The following ARHGAP26 variants were observed in gnomAD, a reference collection of about 807,000 sequenced individuals.
The protein encoded by ARHGAP26 is rho GTPase-activating protein 26.
Under a neutral mutation model 104.8 loss-of-function variants are expected in ARHGAP26, and 38 were observed. The observed-to-expected ratio is 0.36, with a 90% CI of 0.28 to 0.48. The LOEUF is 0.48. ARHGAP26 is among the 20% of genes least tolerant of loss of function. The pLI is 0.99. For synonymous variants in ARHGAP26, 341 were observed against 340.0 expected, an observed-to-expected ratio of 1.00 and a Z score of -0.03; for missense variants, 704 against 947.9, an observed-to-expected ratio of 0.74 and a Z score of 3.38.
chr5:143,075,811 A>C (rs565992379), intron 17 of ARHGAP26, among the ~76,000 whole-genome samples: 40 of 150,874 alleles, frequency 2.7e-4, no homozygotes, highest in African/African-American at 8.8e-4. Context: ...AGATCCTCCC[A>C]CCTCAGCCTT....
Position 142,991,766 on chromosome 5 carries a change from G to T in ARHGAP26, c.1108-22314G>T, listed in dbSNP as rs147704654. The stretch of plus-strand genomic sequence containing the variant: ...CTACACCATATAGCCTAGTTGTGTA[G>T]TAGGCTATACCATCTAGGTTTGTGT... On this transcript the variant is annotated intron_variant, in intron 11 of 22. Transcript: ENST00000645722. Among the ~76,000 whole-genome samples the T allele has an allele frequency of 4.2e-3, 642 of 152,312 alleles. 7 individuals are homozygous for T. Among genetic ancestry groups the T allele is most frequent in the African/African-American group, 0.015 (626 of 41,562 alleles).
At chr5:143,178,811 T>C (rs1269715013) in intron 20 of ARHGAP26, among the ~76,000 whole-genome samples, 2 of 152,094 alleles carry the variant, frequency 1.3e-5, no homozygotes, top group African/African-American at 4.8e-5. Flanking sequence ...AGCTTGTAAG[T>C]GGTTGACCTA....
At chr5:142,802,680 CA>C (rs1206456249) in intron 1 of ARHGAP26, among the ~76,000 whole-genome samples, 1 of 151,836 alleles carries the variant, frequency 6.6e-6, no homozygotes, top group Admixed American at 6.6e-5. Context: ...TAGGCATTGG[CA>C]AATTTTTTTT....
At chr5:143,192,798 TATC>T (rs1806140263) in intron 20 of ARHGAP26, among the ~76,000 whole-genome samples, 1 of 152,196 alleles carries the variant, frequency 6.6e-6, no homozygotes, top group Admixed American at 6.5e-5. Context: ...GAGCCCAAAT[TATC>T]ATTTTGCTTG....
intron 21 of ARHGAP26, among the ~76,000 whole-genome samples, chr5:143,213,018 G>C (rs1428981163): frequency 6.6e-6 from 1 of 152,130 alleles, no homozygotes; most frequent in Non-Finnish European, 1.5e-5. Flanking sequence ...GGTAGCAGGC[G>C]CCTGTAGTCC....
intron 11 of ARHGAP26, among the ~76,000 whole-genome samples, chr5:142,936,189 A>G (rs1025742259): frequency 1.3e-5 from 2 of 152,010 alleles, no homozygotes; most frequent in African/African-American, 2.4e-5. Context: ...GTCACAGGAT[A>G]CAAGATAGAC....
intron 3 of ARHGAP26, among the ~76,000 whole-genome samples, chr5:142,875,602 G>A (rs1014433920): frequency 1.3e-5 from 2 of 152,128 alleles, no homozygotes; most frequent in African/African-American, 4.8e-5. Context: ...CCAACACAGT[G>A]CCTGCCAGGT....
At chr5:143,084,256 G>A (rs1187939866) in intron 17 of ARHGAP26, among the ~76,000 whole-genome samples, 1 of 152,162 alleles carries the variant, frequency 6.6e-6, no homozygotes, top group Admixed American at 6.5e-5. Flanking sequence ...TAAAAAATAA[G>A]TTTTTCACTA....
At position 143,141,608 on chromosome 5, in the gene ARHGAP26, C is replaced by G. The variant is rs148890870; in HGVS notation, c.1838-5623C>G. On this transcript the variant is annotated intron_variant, in intron 19 of 22. Transcript: ENST00000645722. ...ATCTCAAACCCATTTTGCTGTGAGT[C>G]ATGGTATAAAAGTAGGTGTGTAGTT... Among the ~76,000 whole-genome samples, 6 of 152,304 alleles carry G rather than the reference C, an allele frequency of 3.9e-5. No individual in the cohort carries two copies. In the East Asian group the frequency reaches 9.6e-4, roughly 24 times the overall value.
At chr5:142,973,109 A>T (rs1245390410) in intron 11 of ARHGAP26, among the ~76,000 whole-genome samples, 5 of 152,206 alleles carry the variant, frequency 3.3e-5, no homozygotes, top group Non-Finnish European at 7.3e-5. Flanking sequence ...TAACTGCAGG[A>T]TGAAAATGGA....
At chr5:143,208,116 A>G (rs1808872667) in intron 21 of ARHGAP26, among the ~76,000 whole-genome samples, 1 of 152,096 alleles carries the variant, frequency 6.6e-6, no homozygotes, top group African/African-American at 2.4e-5. Context: ...TCCTCTTCTC[A>G]GGGCCATGCT....
intron 1 of ARHGAP26, among the ~76,000 whole-genome samples, chr5:142,781,934 CTCAA>C (rs1247426983): frequency 1.3e-5 from 2 of 152,138 alleles, no homozygotes; most frequent in Non-Finnish European, 2.9e-5. Context: ...TCAGGATGGT[CTCAA>C]TCTCCTGACT....
At chr5:143,150,514 A>G (rs1370913910) in intron 20 of ARHGAP26, among the ~76,000 whole-genome samples, 1 of 152,182 alleles carries the variant, frequency 6.6e-6, no homozygotes, top group Non-Finnish European at 1.5e-5. Flanking sequence ...AGGTGGATGG[A>G]TGAAGAGCAT....
intron 20 of ARHGAP26, among the ~76,000 whole-genome samples, chr5:143,193,438 G>A (rs1250472065): frequency 2.6e-5 from 4 of 151,782 alleles, no homozygotes; most frequent in Admixed American, 2.6e-4. Flanking sequence ...TAGTAAAGGT[G>A]GGGTTTCACC....
chr5:143,198,278 A>G (rs1033665488), intron 20 of ARHGAP26, among the ~76,000 whole-genome samples: 12 of 152,242 alleles, frequency 7.9e-5, no homozygotes, highest in Non-Finnish European at 5.9e-5. Flanking sequence ...ATCTTTTGAG[A>G]TAGCAATTGT....
intron 4 of ARHGAP26, among the ~76,000 whole-genome samples, chr5:142,882,796 T>A (rs999915082): frequency 6.6e-6 from 1 of 152,224 alleles, no homozygotes; most frequent in Non-Finnish European, 1.5e-5. Flanking sequence ...TTTATTTTGT[T>A]ATATGGTCCT....
At chr5:143,057,427 C>G (rs1490002795) in intron 16 of ARHGAP26, among the ~76,000 whole-genome samples, 1 of 152,108 alleles carries the variant, frequency 6.6e-6, no homozygotes, top group Non-Finnish European at 1.5e-5. Flanking sequence ...TTTTTGATGA[C>G]AATTTTTTTG....
chr5:142,981,287 G>T (rs778051945), intron 11 of ARHGAP26, among the ~76,000 whole-genome samples: 18 of 152,090 alleles, frequency 1.2e-4, no homozygotes, highest in Admixed American at 6.5e-5. Flanking sequence ...CGTAAAATGG[G>T]GATAATAACA....
At chr5:143,160,520 C>G (rs775849531) in intron 20 of ARHGAP26, among the ~76,000 whole-genome samples, 1 of 150,288 alleles carries the variant, frequency 6.7e-6, no homozygotes, top group Non-Finnish European at 1.5e-5. Flanking sequence ...GGGTCTCACT[C>G]TGTTTCCCAG....
Sources: gnomAD v4.1 joint callset for allele counts (sites outside exome capture counted in the v4.1 genomes callset) on GRCh38, gnomAD v4.1.1 for gene constraint, MANE v1.5 for transcripts, NCBI Gene and HGNC (gene_info 2026-07-23, HGNC 2026-07-21) for gene names.